Variants in B3GALT5 observed in about 807,000 individuals in gnomAD.
The protein encoded by B3GALT5 is UDP-Gal:betaGlcNAc beta 1,3-galactosyltransferase, polypeptide 5.
For missense variants in B3GALT5, 328 were observed against 396.6 expected, an observed-to-expected ratio of 0.83 and a Z score of 1.47; for synonymous variants, 156 against 158.6, an observed-to-expected ratio of 0.98 and a Z score of 0.12.
In B3GALT5 at chr21:39,666,429, A is replaced by C. The variant is rs1451533956; in HGVS notation, c.*4937A>C. On this transcript the variant is annotated 3_prime_UTR_variant, in exon 4 of 4. Coordinates refer to ENST00000684187, the MANE Select transcript of B3GALT5 (RefSeq NM_001356336.2). The stretch of plus-strand genomic sequence containing the variant: ...TTGTGCCTCAGCCTCCCGAGTAGCT[A>C]GGATTATAGGCATGCACCACCAACC... The C allele has an allele frequency of 6.6e-6, 1 of 152,120 alleles. No individual in the cohort carries two copies. Among genetic ancestry groups the C allele is most frequent in the Non-Finnish European group, 1.5e-5 (1 of 68,044 alleles). 9.4% of individuals were successfully genotyped at this position (152,120 alleles called of 1,614,324 possible). A position where few individuals can be genotyped will look rare whatever the true frequency, so the allele number is the denominator to read the frequency against.
chr21:39,621,514 T>C (rs1253828963), intron 1 of B3GALT5, among the ~76,000 whole-genome samples: 6 of 151,978 alleles, frequency 3.9e-5, no homozygotes, highest in Admixed American at 3.9e-4. Flanking sequence ...TTGGTAAAGC[T>C]CACCTCTAAA....
chr21:39,640,471 C>A (rs1186938803), intron 1 of B3GALT5, among the ~76,000 whole-genome samples: 1 of 152,172 alleles, frequency 6.6e-6, no homozygotes, highest in East Asian at 1.9e-4. Flanking sequence ...AGAAGTCCAG[C>A]TCTTTTCAGG....
chr21:39,660,588 A>G lies in B3GALT5; in HGVS notation c.29A>G (p.Tyr10Cys), dbSNP rs892419031. The change falls in exon 4 of 4, where the codon TAT becomes TGT. Residue 10 changes from tyrosine (Y) to cysteine (C), a missense_variant. Coordinates refer to ENST00000684187, the MANE Select transcript of B3GALT5 (RefSeq NM_001356336.2). MAFPKMRLM[Y>C]ICLLVLGALC... ...GCTTTCCCGAAGATGAGATTGATGT[A>G]TATTTGCCTTCTGGTTCTGGGGGCT... 4 of 1,444,826 alleles carry G rather than the reference A, an allele frequency of 2.8e-6. No homozygotes were observed. The highest frequency in any genetic ancestry group is 5.3e-5 in the Admixed American group (2 of 38,088). The allele number at this position is 1,444,826 out of a possible 1,614,324, so 89.5% of individuals were successfully genotyped here.
At chr21:39,626,794 T>G (rs2079166288) in intron 1 of B3GALT5, among the ~76,000 whole-genome samples, 1 of 150,652 alleles carries the variant, frequency 6.6e-6, no homozygotes. Context: ...GCGTTTTTGT[T>G]TTTTGTTGTT....
rs1293175858 is a variant in B3GALT5 at position 39,627,009 on chromosome 21, T to C, written c.-392+13942T>C. Among the ~76,000 whole-genome samples, 11 of 152,180 alleles carry C rather than the reference T, an allele frequency of 7.2e-5. No homozygotes were observed. In the East Asian group the frequency reaches 1.7e-3, roughly 24 times the overall value. ...CCCTCCCATCTCTTCCCACATTCCA[T>C]ATCATGGACTTTCTTCTTTTCAGCT... On this transcript the variant is annotated intron_variant, in intron 1 of 3. Coordinates refer to ENST00000684187, the MANE Select transcript of B3GALT5 (RefSeq NM_001356336.2).
chr21:39,657,884 G>A, intron 2 of B3GALT5: 1 of 1,231,780 alleles, frequency 8.1e-7, no homozygotes, highest in Non-Finnish European at 1.0e-6. Flanking sequence ...TGGTCTAGAT[G>A]TGTTTGGAGG....
chr21:39,615,931 G>A (rs1344835152), intron 1 of B3GALT5, among the ~76,000 whole-genome samples: 1 of 152,212 alleles, frequency 6.6e-6, no homozygotes, highest in East Asian at 1.9e-4. Context: ...AACAAAACTA[G>A]TTGTTTCTTA....
At chr21:39,658,953 A>T (rs771291853) in intron 2 of B3GALT5, among the ~76,000 whole-genome samples, 5 of 152,254 alleles carry the variant, frequency 3.3e-5, no homozygotes, top group Non-Finnish European at 7.3e-5. Context: ...CAAAATAACC[A>T]GCTCTTGGCT....
intron 2 of B3GALT5, among the ~76,000 whole-genome samples, chr21:39,648,942 G>A (rs569457486): frequency 2.0e-5 from 3 of 152,336 alleles, no homozygotes; most frequent in Non-Finnish European, 2.9e-5. Context: ...GGCTGTGCTG[G>A]GACCCTGATC....
chr21:39,615,942 T>C (rs942411797), intron 1 of B3GALT5, among the ~76,000 whole-genome samples: 7 of 152,252 alleles, frequency 4.6e-5, no homozygotes, highest in East Asian at 3.8e-4. Flanking sequence ...TTGTTTCTTA[T>C]TGAATTTTAA....
rs1225524493 is a variant in B3GALT5 at position 39,613,023 on chromosome 21, G to A, written c.-436G>A. 1 of 151,186 alleles carries A rather than the reference G, an allele frequency of 6.6e-6. No homozygotes were observed. The highest frequency in any genetic ancestry group is 1.5e-5 in the Non-Finnish European group (1 of 67,806). The allele number at this position is 151,186 out of a possible 1,614,324, so 9.4% of individuals were successfully genotyped here. A position where few individuals can be genotyped will look rare whatever the true frequency, so the allele number is the denominator to read the frequency against. ...GCCGGGATGCGGCTCTGAGCCAGCG[G>A]CGGCTTCCAGCCCGACTGGGCCTGC... On this transcript the variant is annotated 5_prime_UTR_variant, in exon 1 of 4. Transcript: ENST00000684187.
intron 1 of B3GALT5, among the ~76,000 whole-genome samples, chr21:39,638,363 A>G (rs1432863688): frequency 6.6e-6 from 1 of 152,148 alleles, no homozygotes; most frequent in African/African-American, 2.4e-5. Context: ...ACGTCAAGAG[A>G]AAAGCACAGA....
At position 39,670,211 on chromosome 21, in the gene B3GALT5, CTGTGTGTGTG is replaced by C. The variant is rs146244694; in HGVS notation, c.*8735_*8744del. 6.7e-6 allele frequency: 1 copy of C among 149,646 alleles called. No individual in the cohort carries two copies. The highest frequency in any genetic ancestry group is 1.5e-5 in the Non-Finnish European group (1 of 67,390). The allele number at this position is 149,646 out of a possible 1,614,324, so 9.3% of individuals were successfully genotyped here. On this transcript the variant is annotated 3_prime_UTR_variant, in exon 4 of 4. Transcript: ENST00000684187. ...CAAGCCCGGGGGCGCCACACTCAGACTGTGTGTGTGTGTGTGTGTGTGTGTATCTATGAGA... is the reference window on the plus strand; with the variant it reads ...CAAGCCCGGGGGCGCCACACTCAGACTGTGTGTGTGTGTGTATCTATGAGA...
chr21:39,668,768 C>T lies in B3GALT5; in HGVS notation c.*7276C>T, dbSNP rs4818067. The T allele has an allele frequency of 0.61, 93,339 of 152,090 alleles. 30,543 individuals are homozygous for T. Among genetic ancestry groups the T allele is most frequent in the South Asian group, 0.75 (3,602 of 4,808 alleles). 9.4% of individuals were successfully genotyped at this position (152,090 alleles called of 1,614,324 possible). ...GCTGCCTGGGTTTGAATTTTACCTT[C>T]CTCGCCAAGTCCCTTGAGTGGCAAG... On this transcript the variant is annotated 3_prime_UTR_variant, in exon 4 of 4. Coordinates refer to ENST00000684187, the MANE Select transcript of B3GALT5 (RefSeq NM_001356336.2).
In B3GALT5 at chr21:39,666,141, C is replaced by G. The variant is rs1010245550; in HGVS notation, c.*4649C>G. The G allele has an allele frequency of 6.6e-6, 1 of 152,284 alleles. No homozygotes were observed. Among genetic ancestry groups the G allele is most frequent in the Non-Finnish European group, 1.5e-5 (1 of 68,060 alleles). The allele number at this position is 152,284 out of a possible 1,614,324, so 9.4% of individuals were successfully genotyped here. A position where few individuals can be genotyped will look rare whatever the true frequency, so the allele number is the denominator to read the frequency against. On this transcript the variant is annotated 3_prime_UTR_variant, in exon 4 of 4. Transcript: ENST00000684187. The stretch of plus-strand genomic sequence containing the variant: ...TGGGTGCGACTCTGTGACCTGAAAA[C>G]CTAGAAATGCTCCACAGCCATGCTC...
chr21:39,619,479 T>C (rs1007859129), intron 1 of B3GALT5, among the ~76,000 whole-genome samples: 2 of 152,162 alleles, frequency 1.3e-5, no homozygotes, highest in African/African-American at 4.8e-5. Context: ...ATAGCATTGG[T>C]TTATAAATCA....
At chr21:39,655,641 T>G (rs2079435739) in intron 2 of B3GALT5, among the ~76,000 whole-genome samples, 1 of 152,168 alleles carries the variant, frequency 6.6e-6, no homozygotes, top group South Asian at 2.1e-4. Flanking sequence ...GGGGCATTCC[T>G]CTTTAAGGAA....
At chr21:39,637,723 A>G (rs1181124620) in intron 1 of B3GALT5, among the ~76,000 whole-genome samples, 1 of 152,214 alleles carries the variant, frequency 6.6e-6, no homozygotes, top group East Asian at 1.9e-4. Context: ...TTCTTGCAGC[A>G]GGATTCAGAG....
chr21:39,621,477 T>G (rs1346825835), intron 1 of B3GALT5, among the ~76,000 whole-genome samples: 1 of 149,822 alleles, frequency 6.7e-6, no homozygotes, highest in Admixed American at 6.7e-5. Context: ...ACAAAAAGGT[T>G]TTTTTTTTTT....
Sources: gnomAD v4.1 joint callset for allele counts (sites outside exome capture counted in the v4.1 genomes callset) on GRCh38, gnomAD v4.1.1 for gene constraint, MANE v1.5 for transcripts, NCBI Gene and HGNC (gene_info 2026-07-23, HGNC 2026-07-21) for gene names.